The following LPL variants were observed in gnomAD, a reference collection of about 807,000 sequenced individuals.
The protein encoded by LPL is phospholipase A1.
Under a neutral mutation model 52.2 loss-of-function variants are expected in LPL, and 43 were observed. That is an observed-to-expected ratio of 0.82 (90% CI 0.64 to 1.06). The LOEUF is 1.06. Among genes scored for constraint, LPL ranks in the 50% least tolerant of loss-of-function variants. LPL has a pLI of 0.00. For missense variants in LPL, 639 were observed against 585.3 expected, an observed-to-expected ratio of 1.09 and a Z score of -0.95; for synonymous variants, 244 against 215.6, an observed-to-expected ratio of 1.13 and a Z score of -1.15.
rs2069936077 is a variant in LPL at position 19,951,769 on chromosome 8, G to A, written c.250G>A (p.Val84Ile). The change falls in exon 3 of 10, where the codon GTA becomes ATA. Residue 84 changes from valine to isoleucine, a missense_variant and splice_region_variant. Physicochemically the swap from Val to Ile is conservative, Grantham distance 29. Coordinates refer to ENST00000650287, the MANE Select transcript of LPL (RefSeq NM_000237.3). Reference protein sequence around the residue: ...KTFMVIHGWTVTGMYESWVPK... With the variant: ...KTFMVIHGWTITGMYESWVPK... ...AGAAAGCTTGTGTCATCATCTTCAGGTAACAGGAATGTATGAGAGTTGGGT... is the reference window on the plus strand; with the variant it reads ...AGAAAGCTTGTGTCATCATCTTCAGATAACAGGAATGTATGAGAGTTGGGT... The A allele has an allele frequency of 6.2e-7, 1 of 1,614,144 alleles. No individual in the cohort carries two copies. Among genetic ancestry groups the A allele is most frequent in the Non-Finnish European group, 8.5e-7 (1 of 1,180,018 alleles).
In LPL at chr8:19,965,499, T is replaced by C; in HGVS notation, c.*189T>C. The C allele has an allele frequency of 1.7e-6, 1 of 576,508 alleles. No individual in the cohort carries two copies. The highest frequency in any genetic ancestry group is 3.1e-6 in the Non-Finnish European group (1 of 322,944). The allele number at this position is 576,508 out of a possible 1,614,324, so 35.7% of individuals were successfully genotyped here. On this transcript the variant is annotated 3_prime_UTR_variant, in exon 10 of 10. Transcript: ENST00000650287. ...GTCTCAAGCACTAAAAAGTGGCTAA[T>C]TCAATTTATGGGGTATAGTGGCCAA...
chr8:19,945,033 T>C (rs546086492), intron 1 of LPL, among the ~76,000 whole-genome samples: 8 of 152,246 alleles, frequency 5.3e-5, no homozygotes, highest in African/African-American at 1.9e-4. Context: ...CTCCTCTTCT[T>C]TCTCAATTCT....
intron 1 of LPL, among the ~76,000 whole-genome samples, chr8:19,940,382 C>A (rs1352796004): frequency 6.6e-6 from 1 of 152,192 alleles, no homozygotes; most frequent in Non-Finnish European, 1.5e-5. Flanking sequence ...GGGCGCCCGG[C>A]CCCGCCGCGC....
At chr8:19,956,577 A>G (rs1324921535) in intron 6 of LPL, among the ~76,000 whole-genome samples, 2 of 152,140 alleles carry the variant, frequency 1.3e-5, no homozygotes, top group East Asian at 3.9e-4. Flanking sequence ...CTTAGTACCC[A>G]TTAGTTACTT....
At chr8:19,954,087 C>T (rs776249295) in intron 4 of LPL, 33 bp from the exon 5 acceptor site, 1 of 1,494,968 alleles carries the variant, frequency 6.7e-7, no homozygotes, top group South Asian at 1.1e-5. Context: ...TGGAAATTTA[C>T]AAATCTGTGT....
chr8:19,965,510 G>T lies in LPL; in HGVS notation c.*200G>T. ...TAAAAAGTGGCTAATTCAATTTATG[G>T]GGTATAGTGGCCAAATAGCACATCC... On this transcript the variant is annotated 3_prime_UTR_variant, in exon 10 of 10. Coordinates refer to ENST00000650287, the MANE Select transcript of LPL (RefSeq NM_000237.3). 1.8e-6 allele frequency: 1 copy of T among 566,348 alleles called. No homozygotes were observed. Among genetic ancestry groups the T allele is most frequent in the Non-Finnish European group, 3.1e-6 (1 of 317,630 alleles). 35.1% of individuals were successfully genotyped at this position (566,348 alleles called of 1,614,324 possible). A position where few individuals can be genotyped will look rare whatever the true frequency, so the allele number is the denominator to read the frequency against.
chr8:19,949,014 T>C (rs1399013476), intron 2 of LPL, among the ~76,000 whole-genome samples: 1 of 152,178 alleles, frequency 6.6e-6, no homozygotes, highest in East Asian at 1.9e-4. Flanking sequence ...TGATTAAATT[T>C]ACTTTAAAAA....
At chr8:19,959,095 C>A (rs1399924856) in intron 6 of LPL, among the ~76,000 whole-genome samples, 165 bp from the exon 7 acceptor site, 1 of 152,146 alleles carries the variant, frequency 6.6e-6, no homozygotes, top group Non-Finnish European at 1.5e-5. Flanking sequence ...GGTATGAACA[C>A]TGTGCATGAT....
intron 1 of LPL, among the ~76,000 whole-genome samples, chr8:19,943,044 A>G (rs962592782): frequency 6.6e-6 from 1 of 152,226 alleles, no homozygotes; most frequent in Non-Finnish European, 1.5e-5. Context: ...TGACAGTAGA[A>G]TAGAACAAAG....
At position 19,961,262 on chromosome 8, in the gene LPL, G is replaced by T. The variant is rs117026536; in HGVS notation, c.1322+179G>T. Among the ~76,000 whole-genome samples, 13,218 of 53,744 alleles carry T rather than the reference G, an allele frequency of 0.25. 714 individuals carry two copies. Among genetic ancestry groups the T allele is most frequent in the African/African-American group, 0.37 (2,744 of 7,512 alleles). The allele number at this position is 53,744 out of a possible 152,430, so 35.3% of individuals were successfully genotyped here. ...TTATTTTCTTATTTTTGGGGGGCAG[G>T]GGGGGGGAAGTGACAGTATTTTTGT... On this transcript the variant is annotated intron_variant, in intron 8 of 9. Transcript: ENST00000650287.
At chr8:19,961,975 G>C (rs1459585815) in intron 8 of LPL, 140 bp from the exon 9 acceptor site, 14 of 686,072 alleles carry the variant, frequency 2.0e-5, no homozygotes, top group Non-Finnish European at 3.5e-5. Flanking sequence ...GCCTGAGTGT[G>C]ACAGTTAATT....
In LPL at chr8:19,939,529, G is replaced by GT. The variant is rs1563561741; in HGVS notation, c.88+2dup. The GT allele has an allele frequency of 1.2e-6, 2 of 1,606,490 alleles. No individual in the cohort carries two copies. The highest frequency in any genetic ancestry group is 1.3e-5 in the African/African-American group (1 of 74,974). On this transcript the variant is annotated splice_donor_variant, in intron 1 of 9. Coordinates refer to ENST00000650287, the MANE Select transcript of LPL (RefSeq NM_000237.3). LOFTEE classifies it high-confidence loss of function. This position sits in a 1 kb window ranked among gnomAD's most constrained non-coding sequence, Gnocchi z 4.0. ...CGCGGAGGGGTGGCCGCCGCCGACC[G>GT]TAAGTTTTGCGCGCAAACTCCCCTC...
At position 19,961,025 on chromosome 8, in the gene LPL, AGC is replaced by A. The variant is rs749909979; in HGVS notation, c.1265_1266del (p.Ser422LysfsTer25). ...ATACTTTAGCTGGTCAGACTGGTGG[AGC>A]AGTCCCGGCTTCGCCATTCAGAAGA... ...DSYFSWSDWW[S>X]SPGFAIQKIR... On this transcript the variant is annotated frameshift_variant, in exon 8 of 10. Coordinates refer to ENST00000650287, the MANE Select transcript of LPL (RefSeq NM_000237.3). LOFTEE classifies it high-confidence loss of function. 1.6e-5 allele frequency: 26 copies of A among 1,614,176 alleles called. No homozygotes were observed. Among genetic ancestry groups the A allele is most frequent in the Non-Finnish European group, 2.0e-5 (24 of 1,180,030 alleles).
rs776702426 is a variant in LPL at position 19,948,317 on chromosome 8, T to C, written c.226T>C (p.Phe76Leu). The change falls in exon 2 of 10, where the codon TTC (phenylalanine) becomes CTC (leucine). Residue 76 changes from phenylalanine (F) to leucine (L), a missense_variant. Transcript: ENST00000650287. ...TCATTTCAATCACAGCAGCAAAACC[T>C]TCATGGTGATCCATGGCTGGACGGT... ...TCHFNHSSKT[F>L]MVIHGWTVTG... 6.2e-7 allele frequency: 1 copy of C among 1,614,028 alleles called. No individual in the cohort carries two copies. The highest frequency in any genetic ancestry group is 8.5e-7 in the Non-Finnish European group (1 of 1,179,952).
At chr8:19,963,454 C>G (rs2070058202) in intron 9 of LPL, among the ~76,000 whole-genome samples, 1 of 149,386 alleles carries the variant, frequency 6.7e-6, no homozygotes, top group South Asian at 2.1e-4. Flanking sequence ...AAAAAACATG[C>G]CTATTAGGAA....
chr8:19,939,357 G>T lies in LPL; in HGVS notation c.-84G>T. On this transcript the variant is annotated 5_prime_UTR_variant, in exon 1 of 10. Transcript: ENST00000650287. This position sits in a 1 kb window ranked among gnomAD's most constrained non-coding sequence, Gnocchi z 4.0. The stretch of plus-strand genomic sequence containing the variant: ...GCGACTTGCTCAGCGCCAAACCGCG[G>T]CTCCAGCCCTCTCCAGCCTCCGGCT... The T allele has an allele frequency of 7.3e-7, 1 of 1,374,246 alleles. No individual in the cohort carries two copies. Among genetic ancestry groups the T allele is most frequent in the Admixed American group, 2.0e-5 (1 of 50,656 alleles). 85.1% of individuals were successfully genotyped at this position (1,374,246 alleles called of 1,614,324 possible).
Position 19,962,107 on chromosome 8 carries a change from T to C in LPL, c.1323-8T>C, listed in dbSNP as rs1367356623. On this transcript the variant is annotated splice_region_variant and splice_polypyrimidine_tract_variant and intron_variant, in intron 8 of 9. Transcript: ENST00000650287. ...ACATGGCATATTCACATCCATTTTC[T>C]TCCACAGGGTGATCTTCTGTTCTAG... is the stretch of plus-strand genomic sequence containing the variant. The C allele has an allele frequency of 1.9e-6, 3 of 1,596,382 alleles. No individual in the cohort carries two copies. Among genetic ancestry groups the C allele is most frequent in the South Asian group, 1.1e-5 (1 of 90,726 alleles).
At chr8:19,963,773 C>G (rs1448053288) in intron 9 of LPL, among the ~76,000 whole-genome samples, 1 of 152,066 alleles carries the variant, frequency 6.6e-6, no homozygotes, top group Non-Finnish European at 1.5e-5. Context: ...TCAGGATAAA[C>G]TCAAAATGGA....
At position 19,953,649 on chromosome 8, in the gene LPL, T is replaced by C. The variant is rs251; in HGVS notation, c.541+228T>C. Among the ~76,000 whole-genome samples the C allele has an allele frequency of 0.042, 6,327 of 152,242 alleles. 396 individuals are homozygous for C. Among genetic ancestry groups the C allele is most frequent in the African/African-American group, 0.14 (5,781 of 41,504 alleles). ...CAATAGCACAGAAATAAAGCATAAT[T>C]ACACACAATGCCTGCAGATTTCTCT... On this transcript the variant is annotated intron_variant, in intron 4 of 9. Coordinates refer to ENST00000650287, the MANE Select transcript of LPL (RefSeq NM_000237.3).
Sources: allele counts gnomAD v4.1 joint callset (sites outside exome capture counted in the v4.1 genomes callset), GRCh38; gene constraint gnomAD v4.1.1; non-coding constraint Gnocchi (gnomAD v3.1); transcripts MANE v1.5; gene names NCBI Gene and HGNC (gene_info 2026-07-23, HGNC 2026-07-21).